Variants in SLC12A2 observed in about 807,000 individuals in gnomAD.
SLC12A2 encodes the protein Na-K-2Cl cotransporter 1.
Under a neutral mutation model 136.3 loss-of-function variants are expected in SLC12A2, and 67 were observed. The observed-to-expected ratio is 0.49, with a 90% CI of 0.40 to 0.60. The LOEUF is 0.60. SLC12A2 is among the 20% of genes least tolerant of loss of function. The pLI is 0.00. For synonymous variants in SLC12A2, 619 were observed against 562.9 expected (o/e 1.10, Z -1.41); for missense variants, 1,322 against 1,534.7 (o/e 0.86, Z 2.32).
In SLC12A2 at chr5:128,174,652, C is replaced by T. The variant is rs775078728; in HGVS notation, c.2915C>T (p.Pro972Leu). The stretch of plus-strand genomic sequence containing the variant: ...ACTTCCAAACCACTCAGTGAAAAAC[C>T]AATTACACACAAAGGTAATTTTCAT... The part of the protein sequence containing the change: ...LDTSKPLSEK[P>L]ITHKVEEEDG... The change falls in exon 20 of 27, where the codon CCA becomes CTA. Residue 972 changes from proline (P) to leucine (L), a missense_variant. By Grantham distance (98) the Pro-to-Leu change is moderately conservative (BLOSUM62 -3). Around this residue, in one of 8 missense-constraint regions of SLC12A2, gnomAD observed 226 missense variants for 210.4 expected, o/e 1.07. Coordinates refer to ENST00000262461, the MANE Select transcript of SLC12A2 (RefSeq NM_001046.3). 1 of 1,592,190 alleles carries T rather than the reference C, an allele frequency of 6.3e-7. No individual in the cohort carries two copies. Among genetic ancestry groups the T allele is most frequent in the East Asian group, 2.3e-5 (1 of 44,048 alleles).
chr5:128,109,841 G>T (rs953255330), intron 1 of SLC12A2: 1 of 787,280 alleles, frequency 1.3e-6, no homozygotes, highest in Non-Finnish European at 2.3e-6. Context: ...AGGTCAAGAT[G>T]TGGCCAAATC....
At chr5:128,134,296 C>T in intron 6 of SLC12A2, 21 bp downstream of exon 6, 1 of 1,182,864 alleles carries the variant, frequency 8.5e-7, no homozygotes, top group Admixed American at 1.7e-5. Flanking sequence ...ATAGGAACAC[C>T]TGTAAATATT....
chr5:128,126,413 C>T (rs1412816928), intron 4 of SLC12A2, among the ~76,000 whole-genome samples: 1 of 152,112 alleles, frequency 6.6e-6, no homozygotes, highest in East Asian at 1.9e-4. Context: ...GAAAATAGAA[C>T]TCTTGTACAC....
In SLC12A2 at chr5:128,189,070, CTG is replaced by C. The variant is rs993691551; in HGVS notation, c.*2442_*2443del. On this transcript the variant is annotated 3_prime_UTR_variant, in exon 27 of 27. Coordinates refer to ENST00000262461, the MANE Select transcript of SLC12A2 (RefSeq NM_001046.3). ...CATAATGTGGGGTGGGTAATACTGTCTGTGAAATAATGTAAGAAGCTTTTCAC... is the reference window on the plus strand; with the variant it reads ...CATAATGTGGGGTGGGTAATACTGTCTGAAATAATGTAAGAAGCTTTTCAC... 2 of 152,196 alleles carry C rather than the reference CTG, an allele frequency of 1.3e-5. No homozygotes were observed. Among genetic ancestry groups the C allele is most frequent in the African/African-American group, 4.8e-5 (2 of 41,346 alleles). 9.4% of individuals were successfully genotyped at this position (152,196 alleles called of 1,614,324 possible). A position where few individuals can be genotyped will look rare whatever the true frequency, so the allele number is the denominator to read the frequency against.
Position 128,151,359 on chromosome 5 carries a change from C to A in SLC12A2, c.2226C>A (p.Val742=). 1 of 1,610,698 alleles carries A rather than the reference C, an allele frequency of 6.2e-7. No individual in the cohort carries two copies. The highest frequency in any genetic ancestry group is 8.5e-7 in the Non-Finnish European group (1 of 1,178,980). Residue 742 remains valine, a synonymous_variant, in exon 14 of 27, where the codon GTC becomes GTA. Coordinates refer to ENST00000262461, the MANE Select transcript of SLC12A2 (RefSeq NM_001046.3). The part of the protein sequence containing the change: ...WWAALLTYVI[V]LGLYIYVTYK... Reference sequence around the variant, plus strand: ...CTGCATTGCTAACATATGTGATAGTCCTTGGGCTGTATATTTATGTTACCT... The same window carrying A: ...CTGCATTGCTAACATATGTGATAGTACTTGGGCTGTATATTTATGTTACCT...
At chr5:128,163,858 C>T (rs957997284) in intron 17 of SLC12A2, among the ~76,000 whole-genome samples, 25 of 152,060 alleles carry the variant, frequency 1.6e-4, no homozygotes, top group African/African-American at 5.6e-4. Context: ...TACTGTGTTT[C>T]TCATGTTTCT....
In SLC12A2 at chr5:128,084,722, C is replaced by A; in HGVS notation, c.756+12C>A. 6.4e-7 allele frequency: 1 copy of A among 1,561,320 alleles called. No individual in the cohort carries two copies. On this transcript the variant is annotated intron_variant, in intron 1 of 26. Transcript: ENST00000262461. The surrounding 1 kb of genome is among the most constrained non-coding windows in gnomAD (Gnocchi z 5.6). ...ACGAGCTGGAAAAGGTGAGCTCGCCCAGCCCTCCCTTCTTCCCCAGCCCCT... is the reference window on the plus strand; with the variant it reads ...ACGAGCTGGAAAAGGTGAGCTCGCCAAGCCCTCCCTTCTTCCCCAGCCCCT...
chr5:128,110,855 A>G lies in SLC12A2; in HGVS notation c.757-1959A>G, dbSNP rs368929687. 1.2e-5 allele frequency: 17 copies of G among 1,434,716 alleles called. No individual in the cohort carries two copies. The East Asian group carries it at 2.7e-4, about 23-fold the overall frequency. 88.9% of individuals were successfully genotyped at this position (1,434,716 alleles called of 1,614,324 possible). A position where few individuals can be genotyped will look rare whatever the true frequency, so the allele number is the denominator to read the frequency against. On this transcript the variant is annotated intron_variant, in intron 1 of 26. Coordinates refer to ENST00000262461, the MANE Select transcript of SLC12A2 (RefSeq NM_001046.3). ...ATGGATGATGACATATTCTGTTATT[A>G]TTTCAAACTTTTCCAGGAATATGCC...
At chr5:128,152,441 A>G (rs1014700751) in intron 14 of SLC12A2, among the ~76,000 whole-genome samples, 1 of 152,008 alleles carries the variant, frequency 6.6e-6, no homozygotes. Context: ...TTTGTGAAAG[A>G]CTCTTTCAGA....
chr5:128,177,109 G>A lies in SLC12A2; in HGVS notation c.2934G>A (p.Glu978=). The A allele has an allele frequency of 6.3e-7, 1 of 1,577,686 alleles. No individual in the cohort carries two copies. The highest frequency in any genetic ancestry group is 1.4e-5 in the African/African-American group (1 of 72,900). Residue 978 remains glutamate (E), a synonymous_variant, in exon 21 of 27, where the codon GAG becomes GAA. Coordinates refer to ENST00000262461, the MANE Select transcript of SLC12A2 (RefSeq NM_001046.3). The part of the protein sequence containing the change: ...LSEKPITHKV[E]EEDGKTATQP... Reference sequence around the variant, plus strand: ...TGTTTTTTAAACATAATCTAGTTGAGGAAGAGGATGGCAAGACTGCAACTC... The same window carrying A: ...TGTTTTTTAAACATAATCTAGTTGAAGAAGAGGATGGCAAGACTGCAACTC...
rs1216296447 is a variant in SLC12A2 at position 128,084,753 on chromosome 5, A to C, written c.756+43A>C. On this transcript the variant is annotated intron_variant, in intron 1 of 26. Transcript: ENST00000262461. The surrounding 1 kb of genome is among the most constrained non-coding windows in gnomAD (Gnocchi z 5.6). The stretch of plus-strand genomic sequence containing the variant: ...TCCCTTCTTCCCCAGCCCCTGGTGC[A>C]TGCCGACCGCGGGATGTGGCTGCAG... 9 of 1,499,316 alleles carry C rather than the reference A, an allele frequency of 6.0e-6. No individual in the cohort carries two copies. Among genetic ancestry groups the C allele is most frequent in the South Asian group, 1.3e-5 (1 of 75,788 alleles). 92.9% of individuals were successfully genotyped at this position (1,499,316 alleles called of 1,614,324 possible).
intron 4 of SLC12A2, among the ~76,000 whole-genome samples, chr5:128,122,942 T>C (rs1761646637): frequency 6.6e-6 from 1 of 152,054 alleles, no homozygotes; most frequent in African/African-American, 2.4e-5. Context: ...TATTATGAGG[T>C]TTATTAAATT....
intron 20 of SLC12A2, among the ~76,000 whole-genome samples, chr5:128,175,073 A>C (rs1369483871): frequency 6.6e-6 from 1 of 152,100 alleles, no homozygotes; most frequent in Non-Finnish European, 1.5e-5. Flanking sequence ...ATGACTTCCA[A>C]ATCTTACTCT....
chr5:128,145,457 A>T (rs532518037), intron 10 of SLC12A2, among the ~76,000 whole-genome samples: 16 of 152,228 alleles, frequency 1.1e-4, no homozygotes, highest in African/African-American at 3.8e-4. Context: ...CCTTCCCTAA[A>T]GATAAGGTTG....
At chr5:128,179,016 AAT>A (rs1561706731) in intron 22 of SLC12A2, among the ~76,000 whole-genome samples, 1 of 152,212 alleles carries the variant, frequency 6.6e-6, no homozygotes, top group Non-Finnish European at 1.5e-5. Context: ...CTTTGGCAGA[AAT>A]ATCACAGAAG....
At chr5:128,171,513 T>C (rs1186750389) in intron 18 of SLC12A2, among the ~76,000 whole-genome samples, 154 bp from the exon 19 acceptor site, 2 of 152,206 alleles carry the variant, frequency 1.3e-5, no homozygotes, top group Non-Finnish European at 2.9e-5. Flanking sequence ...AACATACATA[T>C]CTCAACAAGT....
chr5:128,176,625 A>G (rs1763550329), intron 20 of SLC12A2, among the ~76,000 whole-genome samples: 1 of 151,994 alleles, frequency 6.6e-6, no homozygotes, highest in African/African-American at 2.4e-5. Context: ...CTCTGATCAA[A>G]TTTCTTAATA....
At chr5:128,102,763 C>A (rs1168461756) in intron 1 of SLC12A2, among the ~76,000 whole-genome samples, 2 of 151,402 alleles carry the variant, frequency 1.3e-5, no homozygotes, top group African/African-American at 4.9e-5. Context: ...CAGGCACGTG[C>A]CACCATGCCT....
At chr5:128,141,382 T>C (rs1762359039) in intron 9 of SLC12A2, among the ~76,000 whole-genome samples, 1 of 152,206 alleles carries the variant, frequency 6.6e-6, no homozygotes, top group African/African-American at 2.4e-5. Flanking sequence ...ATTCAAATTA[T>C]TTTCCCTCAC....
Sources: gnomAD v4.1 joint callset for allele counts (sites outside exome capture counted in the v4.1 genomes callset) on GRCh38, gnomAD v4.1.1 for gene constraint, gnomAD v4.1.1 regional missense constraint, Gnocchi (gnomAD v3.1) non-coding constraint, MANE v1.5 for transcripts, NCBI Gene and HGNC (gene_info 2026-07-23, HGNC 2026-07-21) for gene names.